RABGAP1: variants seen among roughly 807,000 people sequenced by gnomAD.
RABGAP1 encodes RAB GTPase activating protein 1.
RABGAP1 carries 23 observed loss-of-function variants against 137.6 expected under a neutral mutation model. The ratio of observed to expected loss-of-function variants is 0.17; its 90% confidence interval spans 0.12 to 0.24. The LOEUF is 0.24. Ranked by LOEUF, RABGAP1 falls within the 10% of genes least tolerant of loss-of-function variation. The pLI, the probability that RABGAP1 is intolerant of heterozygous loss-of-function variation, is 1.00. For synonymous variants in RABGAP1, 451 were observed against 450.7 expected, an observed-to-expected ratio of 1.00 and a Z score of -0.01; for missense variants, 906 against 1,275.8, an observed-to-expected ratio of 0.71 and a Z score of 4.42.
chr9:123,049,942 T>C (rs1404338567), intron 13 of RABGAP1, among the ~76,000 whole-genome samples: 2 of 152,362 alleles, frequency 1.3e-5, no homozygotes. Context: ...TTCAGATTAG[T>C]TAAATGACTT....
intron 19 of RABGAP1, chr9:123,076,988 C>T (rs917659835): frequency 1.1e-5 from 2 of 186,884 alleles, no homozygotes; most frequent in Admixed American, 6.5e-5. Context: ...TATAATCCTA[C>T]GAATGAAATC....
intron 7 of RABGAP1, 108 bp from the exon 8 acceptor site, chr9:122,996,430 TA>T: frequency 8.6e-7 from 1 of 1,157,810 alleles, no homozygotes; most frequent in Non-Finnish European, 1.2e-6. Context: ...TTGATAACTC[TA>T]ATGTGTTCTC....
At chr9:123,020,862 T>G (rs2031583808) in intron 13 of RABGAP1, 1 of 860,746 alleles carries the variant, frequency 1.2e-6, no homozygotes, top group Non-Finnish European at 1.4e-6. Context: ...AGAAAATAAT[T>G]CTTTAATCTA....
Position 123,035,207 on chromosome 9 carries a change from T to C in RABGAP1, c.1794+14748T>C, listed in dbSNP as rs747780856. 1 of 1,614,120 alleles carries C rather than the reference T, an allele frequency of 6.2e-7. No individual in the cohort carries two copies. On this transcript the variant is annotated intron_variant, in intron 13 of 25. Transcript: ENST00000373647. ...ATTGTCTGCTTCACCTATTTCAACA[T>C]CTTCCGCATCTGCCAACAGCACACA...
intron 13 of RABGAP1, among the ~76,000 whole-genome samples, chr9:123,047,186 A>T (rs1290894855): frequency 6.6e-6 from 1 of 152,252 alleles, no homozygotes; most frequent in Non-Finnish European, 1.5e-5. Context: ...CAAACGAGTT[A>T]AGATTTTCTT....
chr9:123,009,316 C>G (rs528788219), intron 10 of RABGAP1, among the ~76,000 whole-genome samples: 33 of 152,196 alleles, frequency 2.2e-4, no homozygotes, highest in Non-Finnish European at 4.0e-4. Flanking sequence ...TTGCCACTAT[C>G]GTGGCCTTAC....
chr9:122,998,539 G>A (rs896396473), intron 9 of RABGAP1, 58 bp from the exon 10 acceptor site: 206 of 1,270,756 alleles, frequency 1.6e-4, no homozygotes, highest in Non-Finnish European at 2.1e-4. Context: ...GGAATCTTAT[G>A]AGCAAATATA....
At chr9:123,034,566 G>T in intron 13 of RABGAP1, 1 of 1,590,762 alleles carries the variant, frequency 6.3e-7, no homozygotes, top group Non-Finnish European at 8.6e-7. Context: ...CTGAGCTCAA[G>T]ATGAACTCCA....
chr9:123,076,200 G>A (rs370107997), intron 17 of RABGAP1, 45 bp from the exon 18 acceptor site: 92 of 1,573,400 alleles, frequency 5.8e-5, no homozygotes, highest in Non-Finnish European at 7.3e-5. Context: ...CATAATAGTC[G>A]AGATATAAAA....
chr9:122,980,793 T>C (rs992197485), intron 2 of RABGAP1, among the ~76,000 whole-genome samples: 1 of 152,236 alleles, frequency 6.6e-6, no homozygotes, highest in Admixed American at 6.5e-5. Flanking sequence ...TTTCAAACTT[T>C]GTTACATGTG....
intron 19 of RABGAP1, among the ~76,000 whole-genome samples, chr9:123,083,555 A>G (rs1203643489): frequency 6.6e-6 from 1 of 152,210 alleles, no homozygotes; most frequent in Non-Finnish European, 1.5e-5. Flanking sequence ...TGCTTCTTCC[A>G]TTTTAGAAAA....
In RABGAP1 at chr9:123,010,343, T is replaced by C. The variant is rs1448688193; in HGVS notation, c.1375-11T>C. 6.3e-7 allele frequency: 1 copy of C among 1,586,394 alleles called. No individual in the cohort carries two copies. The highest frequency in any genetic ancestry group is 8.6e-7 in the Non-Finnish European group (1 of 1,162,760). On this transcript the variant is annotated splice_polypyrimidine_tract_variant and intron_variant, in intron 10 of 25. Transcript: ENST00000373647. ...TTACTGCTTAATAAATAATATTTTT[T>C]CATCTTCAAGATAAAGCAAAGGGAG...
intron 10 of RABGAP1, among the ~76,000 whole-genome samples, chr9:123,000,186 C>A (rs545111975): frequency 7.2e-5 from 11 of 152,188 alleles, no homozygotes; most frequent in Non-Finnish European, 1.2e-4. Context: ...ACAAGTTAAA[C>A]ATCTTAAGTG....
At position 122,965,624 on chromosome 9, in the gene RABGAP1, TC is replaced by T. The variant is rs562832267; in HGVS notation, c.150+8417del. On this transcript the variant is annotated intron_variant, in intron 2 of 25. Transcript: ENST00000373647. ...GTCTCGAACTCCTGACCTCAGGTGA[TC>T]CGCCTGCCTCGGCCTCCCAAAGTGC... is the stretch of plus-strand genomic sequence containing the variant. 5.7e-4 allele frequency among the ~76,000 whole-genome samples: 87 copies of T among 152,204 alleles called. 1 individual carries two copies. Among genetic ancestry groups the T allele is most frequent in the Non-Finnish European group, 1.0e-3 (68 of 68,032 alleles).
intron 2 of RABGAP1, among the ~76,000 whole-genome samples, chr9:122,973,221 T>C (rs1835562709): frequency 6.6e-6 from 1 of 152,212 alleles, no homozygotes; most frequent in African/African-American, 2.4e-5. Context: ...CTAGTGTTTC[T>C]TATGCAGAAA....
At chr9:123,049,675 T>C (rs965425489) in intron 13 of RABGAP1, among the ~76,000 whole-genome samples, 1 of 152,252 alleles carries the variant, frequency 6.6e-6, no homozygotes, top group African/African-American at 2.4e-5. Context: ...TTCTGAACTG[T>C]ATACTGTCTA....
chr9:122,970,319 A>G (rs776977684), intron 2 of RABGAP1, among the ~76,000 whole-genome samples: 1 of 152,190 alleles, frequency 6.6e-6, no homozygotes, highest in Non-Finnish European at 1.5e-5. Context: ...CTGTAGTTCC[A>G]GCTGCTTAGG....
chr9:123,071,865 A>G (rs2034366968), intron 15 of RABGAP1, among the ~76,000 whole-genome samples: 1 of 152,178 alleles, frequency 6.6e-6, no homozygotes, highest in Non-Finnish European at 1.5e-5. Flanking sequence ...AACTGGGGAA[A>G]CACTTGGTGT....
chr9:122,943,401 T>C (rs1833733272), intron 1 of RABGAP1, among the ~76,000 whole-genome samples: 1 of 152,162 alleles, frequency 6.6e-6, no homozygotes, highest in African/African-American at 2.4e-5. Context: ...TATGATTCAG[T>C]TTACAGTTAA....
Sources: gnomAD v4.1 joint callset for allele counts (sites outside exome capture counted in the v4.1 genomes callset) on GRCh38, gnomAD v4.1.1 for gene constraint, MANE v1.5 for transcripts, NCBI Gene and HGNC (gene_info 2026-07-23, HGNC 2026-07-21) for gene names.